The following PCLO variants were observed in gnomAD, a reference collection of about 807,000 sequenced individuals.
PCLO encodes the protein piccolo presynaptic cytomatrix protein, also known as protein piccolo.
A neutral mutation model predicts 427.5 loss-of-function variants in PCLO; 82 were observed. The ratio of observed to expected loss-of-function variants is 0.19; its 90% confidence interval spans 0.16 to 0.23. The LOEUF (loss-of-function observed/expected upper bound fraction) is 0.23. Among genes scored for constraint, PCLO ranks in the 10% least tolerant of loss-of-function variants. The pLI, the probability that PCLO is intolerant of heterozygous loss-of-function variation, is 1.00. For missense variants in PCLO, 6,239 were observed against 6,115.9 expected, an observed-to-expected ratio of 1.02 and a Z score of -0.67; for synonymous variants, 2,357 against 2,155.4, an observed-to-expected ratio of 1.09 and a Z score of -2.59.
chr7:82,887,455 T>C (rs995297886), intron 9 of PCLO, among the ~76,000 whole-genome samples: 1 of 152,202 alleles, frequency 6.6e-6, no homozygotes, highest in Non-Finnish European at 1.5e-5. Context: ...TCTATCCTCC[T>C]ATCCTTGAAT....
At chr7:83,050,276 A>ATT (rs768372950) in intron 3 of PCLO, among the ~76,000 whole-genome samples, 23,436 of 126,958 alleles carry the variant, frequency 0.18, 3,200 homozygotes, top group East Asian at 0.58. Flanking sequence ...CTTTTTAAAA[A>ATT]AAAAAAAAAA....
At position 82,954,559 on chromosome 7, in the gene PCLO, T is replaced by C. The variant is rs1306551525; in HGVS notation, c.6394A>G (p.Ile2132Val). The change falls in exon 5 of 25, where the codon ATA becomes GTA. Residue 2132 changes from isoleucine (I) to valine (V), a missense_variant. Transcript: ENST00000333891. ...SATLSIPDVK[I>V]TQHFSTEEIE... ...TCTTCTGTTGAAAAATGTTGGGTTA[T>C]TTTAACATCTGGGATAGAGAGTGTT... The C allele has an allele frequency of 1.9e-6, 3 of 1,613,958 alleles. No homozygotes were observed. Among genetic ancestry groups the C allele is most frequent in the Admixed American group, 1.7e-5 (1 of 60,018 alleles).
Position 82,950,375 on chromosome 7 carries a change from T to G in PCLO, c.10213A>C (p.Lys3405Gln). The G allele has an allele frequency of 6.2e-7, 1 of 1,613,770 alleles. No homozygotes were observed. Among genetic ancestry groups the G allele is most frequent in the South Asian group, 1.1e-5 (1 of 91,070 alleles). ...CTCTTTTTGGGTTGTTTTTCCTCTT[T>G]CACAACAACATCTGTTAGAGGTATT... ...SEIPLTDVVV[K>Q]EEKQPKKRSS... Residue 3405 changes from lysine to glutamine, a missense_variant, in exon 6 of 25, where the codon AAA (lysine) becomes CAA (glutamine). Transcript: ENST00000333891.
intron 2 of PCLO, 37 bp downstream of exon 2, chr7:83,154,711 G>T: frequency 1.4e-6 from 2 of 1,427,962 alleles, no homozygotes; most frequent in Non-Finnish European, 2.0e-6. Flanking sequence ...GGATGATATG[G>T]CTGAAGAGTA....
intron 15 of PCLO, 46 bp from the exon 16 acceptor site, chr7:82,835,739 T>C (rs1343386921): frequency 6.7e-7 from 1 of 1,491,722 alleles, no homozygotes; most frequent in Non-Finnish European, 9.3e-7. Context: ...AACAGGAAAG[T>C]AGAAAAGACA....
At chr7:82,771,225 C>T (rs1790640998) in intron 22 of PCLO, among the ~76,000 whole-genome samples, 1 of 151,738 alleles carries the variant, frequency 6.6e-6, no homozygotes, top group African/African-American at 2.4e-5. Flanking sequence ...TATTCAGATC[C>T]CTTTTTTTCT....
intron 9 of PCLO, among the ~76,000 whole-genome samples, chr7:82,890,974 G>T (rs1398709553): frequency 6.6e-6 from 1 of 151,592 alleles, no homozygotes; most frequent in Non-Finnish European, 1.5e-5. Context: ...TTGGATTTTT[G>T]CATATATGAT....
chr7:82,770,943 GT>G (rs1790634119), intron 22 of PCLO, among the ~76,000 whole-genome samples: 1 of 151,854 alleles, frequency 6.6e-6, no homozygotes, highest in South Asian at 2.1e-4. Flanking sequence ...CCAGAAATAT[GT>G]TTTCTGAACA....
chr7:82,765,600 T>A (rs1204329203), intron 22 of PCLO, among the ~76,000 whole-genome samples: 1 of 152,004 alleles, frequency 6.6e-6, no homozygotes, highest in Non-Finnish European at 1.5e-5. Context: ...AAAGATTTGG[T>A]ATAAAATGTC....
intron 10 of PCLO, among the ~76,000 whole-genome samples, chr7:82,861,508 T>C (rs975664884): frequency 6.6e-6 from 1 of 152,018 alleles, no homozygotes; most frequent in Non-Finnish European, 1.5e-5. Context: ...AGGGAAATAT[T>C]GTTAGAGCTA....
intron 3 of PCLO, among the ~76,000 whole-genome samples, chr7:83,123,632 T>C (rs10224914): frequency 0.033 from 4,981 of 152,112 alleles, 271 homozygotes; most frequent in African/African-American, 0.11. Context: ...AATGGGATCA[T>C]ATCAAGTTAA....
At chr7:83,124,931 T>G (rs926170757) in intron 3 of PCLO, among the ~76,000 whole-genome samples, 10 of 152,136 alleles carry the variant, frequency 6.6e-5, no homozygotes, top group Admixed American at 5.2e-4. Context: ...GTTTTTGCAT[T>G]TTTTGGTGGA....
chr7:83,018,123 T>G (rs1788253970), intron 3 of PCLO: 1 of 152,066 alleles, frequency 6.6e-6, no homozygotes, highest in Non-Finnish European at 1.5e-5. Context: ...ATAGAAGTAT[T>G]ATTTATAAAA....
At chr7:83,001,107 T>C (rs912212272) in intron 3 of PCLO, among the ~76,000 whole-genome samples, 3 of 152,058 alleles carry the variant, frequency 2.0e-5, no homozygotes, top group Non-Finnish European at 4.4e-5. Context: ...TTGATACTTG[T>C]TTGTTCTATA....
chr7:82,957,413 A>C (rs1163841435), intron 4 of PCLO, among the ~76,000 whole-genome samples: 1 of 152,180 alleles, frequency 6.6e-6, no homozygotes, highest in Non-Finnish European at 1.5e-5. Context: ...AGAATTTACT[A>C]AACAAAAAAA....
intron 3 of PCLO, among the ~76,000 whole-genome samples, chr7:83,075,239 T>C (rs1789922043): frequency 6.6e-6 from 1 of 152,140 alleles, no homozygotes; most frequent in Admixed American, 6.5e-5. Flanking sequence ...TTTTATGGAA[T>C]AGAAGACAGA....
chr7:83,074,105 A>G (rs1489260935), intron 3 of PCLO, among the ~76,000 whole-genome samples: 1 of 152,056 alleles, frequency 6.6e-6, no homozygotes. Context: ...CAAGGAAACC[A>G]TAAGGAATTT....
chr7:82,833,382 T>C (rs1283172128), intron 16 of PCLO, among the ~76,000 whole-genome samples: 1 of 152,194 alleles, frequency 6.6e-6, no homozygotes, highest in Non-Finnish European at 1.5e-5. Context: ...CTCATTTCCA[T>C]TTCTTAATTA....
chr7:83,096,914 AAT>A (rs1790571507), intron 3 of PCLO, among the ~76,000 whole-genome samples: 2 of 49,424 alleles, frequency 4.0e-5, no homozygotes, highest in South Asian at 9.5e-4. Flanking sequence ...ATATTATCTA[AAT>A]ATATATAATA....
Sources: gnomAD v4.1 joint callset for allele counts (sites outside exome capture counted in the v4.1 genomes callset) on GRCh38, gnomAD v4.1.1 for gene constraint, MANE v1.5 for transcripts, NCBI Gene and HGNC (gene_info 2026-07-23, HGNC 2026-07-21) for gene names.